ZC4H2: variants seen among roughly 807,000 people sequenced by gnomAD.
The protein encoded by ZC4H2 is zinc finger C4H2 domain-containing protein.
For synonymous variants in ZC4H2, 84 were observed against 66.3 expected (o/e 1.27, Z -1.30); for missense variants, 137 against 173.9 (o/e 0.79, Z 1.19).
chrX:64,965,772 C>A (rs1416985331), intron 1 of ZC4H2, among the ~76,000 whole-genome samples: 1 of 108,775 alleles, frequency 9.2e-6, no homozygotes, highest in Non-Finnish European at 1.9e-5. Context: ...CCTGTCTCTA[C>A]AAAATATTTA....
chrX:64,958,270 C>T (rs1270110675), intron 1 of ZC4H2, among the ~76,000 whole-genome samples: 1 of 111,569 alleles, frequency 9.0e-6, no homozygotes, highest in African/African-American at 3.3e-5. Flanking sequence ...ACAGTGGGTA[C>T]GTCACTAGGT....
At chrX:65,025,936 T>C (rs1448635973) in intron 1 of ZC4H2, among the ~76,000 whole-genome samples, 3 of 112,225 alleles carry the variant, frequency 2.7e-5, no homozygotes, top group Non-Finnish European at 3.8e-5. Context: ...GTTACGGTCC[T>C]CTGACCCAGC....
intron 1 of ZC4H2, among the ~76,000 whole-genome samples, chrX:64,944,290 G>A (rs972195148): frequency 6.4e-4 from 70 of 108,780 alleles, no homozygotes; most frequent in African/African-American, 2.3e-3. Context: ...ACAGGTGCCT[G>A]CCACCATGCC....
chrX:64,932,827 C>G (rs1001762391), intron 1 of ZC4H2, among the ~76,000 whole-genome samples: 4 of 110,506 alleles, frequency 3.6e-5, no homozygotes, highest in Non-Finnish European at 7.6e-5. Context: ...ACCTGGTGAC[C>G]CTGTGCCTTA....
At chrX:64,948,883 G>C (rs891521663) in intron 1 of ZC4H2, among the ~76,000 whole-genome samples, 1 of 111,930 alleles carries the variant, frequency 8.9e-6, no homozygotes, top group South Asian at 3.7e-4. Context: ...AAAGGTAAAC[G>C]TTTCACCAAG....
At chrX:64,941,290 T>C (rs770162656) in intron 1 of ZC4H2, among the ~76,000 whole-genome samples, 2 of 112,177 alleles carry the variant, frequency 1.8e-5, no homozygotes, top group Non-Finnish European at 3.8e-5. Context: ...TAAGGAGCTT[T>C]GGGCTGAGAC....
intron 1 of ZC4H2, among the ~76,000 whole-genome samples, chrX:64,971,169 C>T (rs748682176): frequency 1.5e-4 from 17 of 112,149 alleles, no homozygotes; most frequent in African/African-American, 4.9e-4. Flanking sequence ...GGGACGCAGC[C>T]TGTATTTTTC....
At chrX:65,034,647 A>G (rs950668369) in exon 1 of ZC4H2, 5 of 111,885 alleles carry the variant, frequency 4.5e-5, no homozygotes, top group African/African-American at 1.6e-4. Flanking sequence ...CGCTCCTTCT[A>G]GGCCTTAGGA....
At chrX:64,922,574 A>G (rs1423757736) in intron 1 of ZC4H2, among the ~76,000 whole-genome samples, 1 of 112,467 alleles carries the variant, frequency 8.9e-6, no homozygotes, top group African/African-American at 3.2e-5. Context: ...GAAATGTGTT[A>G]CTGGCATTTA....
chrX:64,934,917 C>T (rs183727458), intron 1 of ZC4H2, among the ~76,000 whole-genome samples: 11 of 110,600 alleles, frequency 9.9e-5, no homozygotes, highest in South Asian at 3.8e-4. Flanking sequence ...TTTGGGCAGA[C>T]GCTGAACTAG....
chrX:64,953,106 A>G (rs1458543375), intron 1 of ZC4H2, among the ~76,000 whole-genome samples: 1 of 112,227 alleles, frequency 8.9e-6, no homozygotes, highest in Non-Finnish European at 1.9e-5. Context: ...TGCTGGGAAA[A>G]CTGGCTAGCC....
intron 1 of ZC4H2, among the ~76,000 whole-genome samples, chrX:65,014,784 C>A (rs1376316461): frequency 1.8e-5 from 2 of 112,047 alleles, no homozygotes; most frequent in African/African-American, 3.2e-5. Context: ...CAAAACTGAA[C>A]TGAATTTATT....
chrX:65,005,289 A>G (rs1275484157), intron 1 of ZC4H2, among the ~76,000 whole-genome samples: 1 of 111,488 alleles, frequency 9.0e-6, no homozygotes, highest in Admixed American at 9.5e-5. Context: ...TATAAGCAAA[A>G]AGAACAAAGC....
intron 1 of ZC4H2, among the ~76,000 whole-genome samples, chrX:65,022,778 T>A (rs1932846915): frequency 8.9e-6 from 1 of 111,885 alleles, no homozygotes; most frequent in African/African-American, 3.3e-5. Flanking sequence ...TACAAACCAC[T>A]GCTCAAGGAA....
chrX:64,928,682 T>C (rs199897470), intron 1 of ZC4H2, among the ~76,000 whole-genome samples: 8 of 91,937 alleles, frequency 8.7e-5, no homozygotes, highest in Admixed American at 2.6e-4. Flanking sequence ...CTTCTTCTTC[T>C]TCCTCCTCCT....
chrX:64,946,773 G>A (rs943142664), intron 1 of ZC4H2, among the ~76,000 whole-genome samples: 1 of 111,664 alleles, frequency 9.0e-6, no homozygotes, highest in African/African-American at 3.3e-5. Flanking sequence ...TGCATGAAAT[G>A]TGTATATGTT....
intron 1 of ZC4H2, among the ~76,000 whole-genome samples, chrX:64,944,523 T>C (rs1431829095): frequency 2.7e-5 from 3 of 111,558 alleles, no homozygotes; most frequent in Non-Finnish European, 3.8e-5. Context: ...TTTTCCTTTG[T>C]TTCAACCTTG....
chrX:64,972,601 A>G (rs1386421919), intron 1 of ZC4H2, among the ~76,000 whole-genome samples: 1 of 111,845 alleles, frequency 8.9e-6, no homozygotes, highest in East Asian at 2.8e-4. Flanking sequence ...CCATGTGAAT[A>G]GGAGGATATA....
intron 1 of ZC4H2, among the ~76,000 whole-genome samples, chrX:64,962,063 G>T (rs1048891612): frequency 1.8e-5 from 2 of 111,406 alleles, no homozygotes; most frequent in Non-Finnish European, 3.8e-5. Flanking sequence ...CTCATTTTAT[G>T]AGCCTAGCAC....
Sources: allele counts gnomAD v4.1 joint callset (sites outside exome capture counted in the v4.1 genomes callset), GRCh38; gene constraint gnomAD v4.1.1; transcripts MANE v1.5; gene names NCBI Gene and HGNC (gene_info 2026-07-23, HGNC 2026-07-21).